TXNL1: variants seen among roughly 807,000 people sequenced by gnomAD.
TXNL1 encodes the protein thioredoxin-like protein 1.
In TXNL1, 14 loss-of-function variants were observed where a neutral mutation model predicts 35.5. The observed-to-expected ratio is 0.39, with a 90% CI of 0.26 to 0.62. The LOEUF (loss-of-function observed/expected upper bound fraction) is 0.62, where lower values mean the gene tolerates loss of function less well. Among genes scored for constraint, TXNL1 ranks in the 20% least tolerant of loss-of-function variants. The pLI is 0.47. For synonymous variants in TXNL1, 110 were observed against 115.5 expected (o/e 0.95, Z 0.31); for missense variants, 263 against 349.7 (o/e 0.75, Z 1.98).
At chr18:56,624,496 A>T in intron 2 of TXNL1, 35 bp from the exon 3 acceptor site, 1 of 1,581,910 alleles carries the variant, frequency 6.3e-7, no homozygotes, top group Non-Finnish European at 8.6e-7. Flanking sequence ...TTATGAATTA[A>T]ATCTTAAACC....
At chr18:56,619,516 G>A (rs2024146591) in intron 3 of TXNL1, among the ~76,000 whole-genome samples, 1 of 135,866 alleles carries the variant, frequency 7.4e-6, no homozygotes. Context: ...CCAGCCTGGG[G>A]ACAGAGCAAG....
Position 56,598,972 on chromosome 18 carries a change from CAATT to C in TXNL1, c.*4051_*4054del, listed in dbSNP as rs1357827274. ...TATAAACCAACAGATCATGTTTTCA[CAATT>C]AATTCTGGTCTGTTCAACTTAGAAA... On this transcript the variant is annotated 3_prime_UTR_variant, in exon 8 of 8. Transcript: ENST00000217515. The C allele has an allele frequency of 2.0e-5, 3 of 152,188 alleles. No individual in the cohort carries two copies. The highest frequency in any genetic ancestry group is 4.4e-5 in the Non-Finnish European group (3 of 68,030). 9.4% of individuals were successfully genotyped at this position (152,188 alleles called of 1,614,324 possible). A position where few individuals can be genotyped will look rare whatever the true frequency, so the allele number is the denominator to read the frequency against.
chr18:56,605,236 A>G (rs938833083), intron 7 of TXNL1: 3 of 152,198 alleles, frequency 2.0e-5, no homozygotes, highest in Admixed American at 2.0e-4. Flanking sequence ...TGCACCAACA[A>G]TGGCGAGAAC....
At chr18:56,637,399 G>A (rs1304211592) in intron 1 of TXNL1, among the ~76,000 whole-genome samples, 3 of 152,096 alleles carry the variant, frequency 2.0e-5, no homozygotes. Context: ...AAAATAAAGC[G>A]GAAACCTCTC....
chr18:56,604,228 C>T (rs1374468487), intron 7 of TXNL1, among the ~76,000 whole-genome samples: 1 of 151,612 alleles, frequency 6.6e-6, no homozygotes, highest in Non-Finnish European at 1.5e-5. Context: ...GTAAGAAATT[C>T]AGGTTTTAAG....
intron 3 of TXNL1, among the ~76,000 whole-genome samples, chr18:56,619,318 G>A (rs1426694111): frequency 1.3e-5 from 2 of 151,082 alleles, no homozygotes; most frequent in Admixed American, 6.6e-5. Flanking sequence ...CGGGTGAATC[G>A]CCTGAGGTCA....
rs973968551 is a variant in TXNL1 at position 56,601,784 on chromosome 18, T to C, written c.*1243A>G. On this transcript the variant is annotated 3_prime_UTR_variant, in exon 8 of 8. Coordinates refer to ENST00000217515, the MANE Select transcript of TXNL1 (RefSeq NM_004786.3). ...TACAGTCTTATGTACTCTTTAAAAA[T>C]AGTTTTCAAAATACTCAGAAATTTT... 6.6e-6 allele frequency: 1 copy of C among 152,144 alleles called. No homozygotes were observed. The highest frequency in any genetic ancestry group is 1.5e-5 in the Non-Finnish European group (1 of 68,020). The allele number at this position is 152,144 out of a possible 1,614,324, so 9.4% of individuals were successfully genotyped here.
rs569368804 is a variant in TXNL1, at chr18:56,629,942, T to C, written c.99-3485A>G. 4.6e-5 allele frequency among the ~76,000 whole-genome samples: 7 copies of C among 152,258 alleles called. No individual in the cohort carries two copies. The South Asian group carries it at 1.5e-3, about 32-fold the overall frequency. Reference sequence around the variant, plus strand: ...TGGGCCCGATGATGGCTCATGCCTGTAATCTCAGCACTTTGGGAGGCCAAG... The same window carrying C: ...TGGGCCCGATGATGGCTCATGCCTGCAATCTCAGCACTTTGGGAGGCCAAG... On this transcript the variant is annotated intron_variant, in intron 1 of 7. Transcript: ENST00000217515.
chr18:56,627,839 A>G (rs987257469), intron 1 of TXNL1, among the ~76,000 whole-genome samples: 25 of 145,964 alleles, frequency 1.7e-4, no homozygotes, highest in African/African-American at 6.7e-4. Flanking sequence ...GATTTCTTAT[A>G]CAAAACACAA....
chr18:56,632,849 C>T (rs1287655805), intron 1 of TXNL1, among the ~76,000 whole-genome samples: 1 of 152,124 alleles, frequency 6.6e-6, no homozygotes, highest in Admixed American at 6.5e-5. Context: ...TTCAATATGC[C>T]CTAGTCTTAC....
At chr18:56,618,741 T>G (rs1218035285) in intron 3 of TXNL1, among the ~76,000 whole-genome samples, 1 of 151,798 alleles carries the variant, frequency 6.6e-6, no homozygotes, top group Non-Finnish European at 1.5e-5. Context: ...TCAGTATGAA[T>G]TTCTAAGCAA....
intron 1 of TXNL1, among the ~76,000 whole-genome samples, chr18:56,634,553 T>C (rs563255033): frequency 4.3e-4 from 66 of 152,310 alleles, no homozygotes; most frequent in Non-Finnish European, 8.8e-4. Context: ...GTGCTGATCA[T>C]TCAATGAGGA....
chr18:56,634,436 G>C (rs2024424811), intron 1 of TXNL1, among the ~76,000 whole-genome samples: 1 of 152,176 alleles, frequency 6.6e-6, no homozygotes, highest in African/African-American at 2.4e-5. Flanking sequence ...GGGTTATTCT[G>C]AGGAATGAAT....
intron 3 of TXNL1, among the ~76,000 whole-genome samples, chr18:56,623,237 G>A (rs1008399108): frequency 1.3e-5 from 2 of 152,174 alleles, no homozygotes; most frequent in African/African-American, 4.8e-5. Context: ...AGACCAGCCT[G>A]GCCAACATGG....
At chr18:56,625,454 A>T (rs1568106692) in intron 2 of TXNL1, among the ~76,000 whole-genome samples, 1 of 152,168 alleles carries the variant, frequency 6.6e-6, no homozygotes, top group Non-Finnish European at 1.5e-5. Context: ...TGTATTTTAT[A>T]CTTTCCGTAC....
intron 6 of TXNL1, among the ~76,000 whole-genome samples, chr18:56,613,195 T>C (rs1265620262): frequency 6.6e-6 from 1 of 152,166 alleles, no homozygotes; most frequent in Non-Finnish European, 1.5e-5. Flanking sequence ...TCAAAAACAT[T>C]CTTAAATGAA....
intron 6 of TXNL1, among the ~76,000 whole-genome samples, chr18:56,613,526 C>A (rs1317098037): frequency 6.6e-6 from 1 of 152,124 alleles, no homozygotes; most frequent in African/African-American, 2.4e-5. Flanking sequence ...AGTCAATCTT[C>A]AGAAAGGCTG....
At chr18:56,636,596 C>A (rs1471360410) in intron 1 of TXNL1, among the ~76,000 whole-genome samples, 1 of 151,978 alleles carries the variant, frequency 6.6e-6, no homozygotes, top group African/African-American at 2.4e-5. Context: ...CACTAAAATA[C>A]CTTTTTAAAT....
chr18:56,625,766 G>T (rs1304046599), intron 2 of TXNL1, among the ~76,000 whole-genome samples: 3 of 152,098 alleles, frequency 2.0e-5, no homozygotes, highest in Admixed American at 2.0e-4. Context: ...TCCTTAGTTA[G>T]AACTAAAGAC....
Sources: allele counts gnomAD v4.1 joint callset (sites outside exome capture counted in the v4.1 genomes callset), GRCh38; gene constraint gnomAD v4.1.1; transcripts MANE v1.5; gene names NCBI Gene and HGNC (gene_info 2026-07-23, HGNC 2026-07-21).